The following RNF39 variants were observed in gnomAD, a reference collection of about 807,000 sequenced individuals.
RNF39 encodes the protein ring finger protein 39.
A neutral mutation model predicts 29.2 loss-of-function variants in RNF39; 25 were observed. The ratio of observed to expected loss-of-function variants is 0.86; its 90% CI spans 0.62 to 1.20. RNF39 has a LOEUF of 1.20. Ranked by LOEUF, RNF39 falls within the 50% of genes most tolerant of loss-of-function variation. The pLI, the probability that RNF39 is intolerant of heterozygous loss-of-function variation, is 0.00. For synonymous variants in RNF39, 219 were observed against 229.0 expected, an observed-to-expected ratio of 0.96 and a Z score of 0.40; for missense variants, 519 against 515.0, an observed-to-expected ratio of 1.01 and a Z score of -0.08.
rs1397716133 is a variant in RNF39 at position 30,075,482 on chromosome 6, C to T, written c.104G>A (p.Cys35Tyr). The change falls in exon 1 of 4, where the codon TGC (cysteine) becomes TAC (tyrosine). Residue 35 changes from cysteine (C) to tyrosine (Y), a missense_variant. By Grantham distance (194) the Cys-to-Tyr change is radical (BLOSUM62 -2). Transcript: ENST00000244360. ...GSFEDPVLLA[C>Y]EHSFCRACLA... ...ACACGCGCGGCAGAAGCTGTGCTCG[C>T]ACGCCAGAAGCACCGGGTCCTCGAA... The T allele has an allele frequency of 6.4e-7, 1 of 1,554,250 alleles. No individual in the cohort carries two copies. The highest frequency in any genetic ancestry group is 8.7e-7 in the Non-Finnish European group (1 of 1,151,642).
rs981234297 is a variant in RNF39 at position 30,075,267 on chromosome 6, C to T, written c.319G>A (p.Gly107Arg). The T allele has an allele frequency of 3.1e-6, 5 of 1,599,452 alleles. No individual in the cohort carries two copies. The highest frequency in any genetic ancestry group is 2.7e-5 in the African/African-American group (2 of 74,706). Reference protein sequence around the residue: ...EPGARAGRRRGGRIPTMGCLD... With the variant: ...EPGARAGRRRRGRIPTMGCLD... ...CAGCCCATGGTGGGGATGCGCCCCC[C>T]TCGGCGTCTCCCCGCACGGGCCCCA... The change falls in exon 1 of 4, where the codon GGG (glycine) becomes AGG (arginine). Residue 107 changes from glycine to arginine, a missense_variant. Gly to Arg is a moderately radical substitution (Grantham distance 125). Coordinates refer to ENST00000244360, the MANE Select transcript of RNF39 (RefSeq NM_025236.4).
Position 30,071,810 on chromosome 6 carries a change from A to G in RNF39, c.479-119T>C. On this transcript the variant is annotated intron_variant, in intron 3 of 3. Transcript: ENST00000244360. This position sits in a 1 kb window ranked among gnomAD's most constrained non-coding sequence, Gnocchi z 5.0. ...AAGACTGAGAGCTAGTGACCACACA[A>G]CAGCTCAAAAGGCGACTGCAGGACC... 1 of 888,356 alleles carries G rather than the reference A, an allele frequency of 1.1e-6. No individual in the cohort carries two copies. The highest frequency in any genetic ancestry group is 1.6e-6 in the Non-Finnish European group (1 of 630,522). 55.0% of individuals were successfully genotyped at this position (888,356 alleles called of 1,614,324 possible).
In RNF39 at chr6:30,074,119, T is replaced by C. The variant is rs1766212590; in HGVS notation, c.364-641A>G. On this transcript the variant is annotated intron_variant, in intron 1 of 3. Transcript: ENST00000244360. The surrounding 1 kb of genome is among the most constrained non-coding windows in gnomAD (Gnocchi z 4.1). ...GGCCCAGCAGATCCACAGAGTACTA[T>C]GGGAGCCAGGAGAGGGCACTGGATG... 6.6e-6 allele frequency among the ~76,000 whole-genome samples: 1 copy of C among 152,146 alleles called. No homozygotes were observed. The highest frequency in any genetic ancestry group is 2.4e-5 in the African/African-American group (1 of 41,432).
In RNF39 at chr6:30,074,862, C is replaced by T. The variant is rs1766283262; in HGVS notation, c.363+361G>A. Among the ~76,000 whole-genome samples the T allele has an allele frequency of 1.3e-5, 2 of 152,104 alleles. No individual in the cohort carries two copies. Among genetic ancestry groups the T allele is most frequent in the African/African-American group, 4.8e-5 (2 of 41,426 alleles). On this transcript the variant is annotated intron_variant, in intron 1 of 3. Transcript: ENST00000244360. This position sits in a 1 kb window ranked among gnomAD's most constrained non-coding sequence, Gnocchi z 4.1. ...CTCTCCTCCTCCCGGGCGCCTGCGGCTGCCCTGCCAAAACTTCTGCAGTTC... is the reference window on the plus strand; with the variant it reads ...CTCTCCTCCTCCCGGGCGCCTGCGGTTGCCCTGCCAAAACTTCTGCAGTTC...
In RNF39 at chr6:30,071,216, C is replaced by A; in HGVS notation, c.954G>T (p.Leu318=). ...GGCCAGGCGCCTGGAAGGCGTAAAG[C>A]AGGTCGAGTGAGCGGCCGTCGTAGA... ...VAFYDGRSLD[L]LYAFQAPGPL... is the part of the protein sequence containing the mutation. The change falls in exon 4 of 4, where the codon CTG becomes CTT. Residue 318 remains leucine, a synonymous_variant. Coordinates refer to ENST00000244360, the MANE Select transcript of RNF39 (RefSeq NM_025236.4). The surrounding 1 kb of genome is among the most constrained non-coding windows in gnomAD (Gnocchi z 5.0). The A allele has an allele frequency of 6.6e-7, 1 of 1,515,442 alleles. No individual in the cohort carries two copies. The highest frequency in any genetic ancestry group is 8.8e-7 in the Non-Finnish European group (1 of 1,135,434). 93.9% of individuals were successfully genotyped at this position (1,515,442 alleles called of 1,614,324 possible). A position where few individuals can be genotyped will look rare whatever the true frequency, so the allele number is the denominator to read the frequency against.
In RNF39 at chr6:30,073,458, T is replaced by A; in HGVS notation, c.384A>T (p.Arg128Ser). ...GGGAACAGAAAAGTGGAACTCACCGTCTCCATGTCTTCCTCATATCCTAGG... is the reference window on the plus strand; with the variant it reads ...GGGAACAGAAAAGTGGAACTCACCGACTCCATGTCTTCCTCATATCCTAGG... ...LPGEDMRKTW[R>S]RFEVPTSKSS... The change falls in exon 2 of 4, where the codon AGA (arginine) becomes AGT (serine). Residue 128 changes from arginine to serine, a missense_variant and splice_region_variant. Coordinates refer to ENST00000244360, the MANE Select transcript of RNF39 (RefSeq NM_025236.4). 1 of 1,614,068 alleles carries A rather than the reference T, an allele frequency of 6.2e-7. No individual in the cohort carries two copies. The highest frequency in any genetic ancestry group is 8.5e-7 in the Non-Finnish European group (1 of 1,179,980).
Position 30,075,616 on chromosome 6 carries a change from C to T in RNF39, c.-31G>A. On this transcript the variant is annotated 5_prime_UTR_variant, in exon 1 of 4. Coordinates refer to ENST00000244360, the MANE Select transcript of RNF39 (RefSeq NM_025236.4). ...GCCAGGATCTGGACGCCGCCCCTTCCGCGACCACCGTGACCGCCTTCGAGC... is the reference window on the plus strand; with the variant it reads ...GCCAGGATCTGGACGCCGCCCCTTCTGCGACCACCGTGACCGCCTTCGAGC... 1 of 1,583,590 alleles carries T rather than the reference C, an allele frequency of 6.3e-7. No individual in the cohort carries two copies.
At position 30,075,573 on chromosome 6, in the gene RNF39, C is replaced by T. The variant is rs1047338734; in HGVS notation, c.13G>A (p.Glu5Lys). 6.2e-7 allele frequency: 1 copy of T among 1,606,988 alleles called. No homozygotes were observed. The highest frequency in any genetic ancestry group is 8.5e-7 in the Non-Finnish European group (1 of 1,179,132). The change falls in exon 1 of 4, where the codon GAG (glutamate) becomes AAG (lysine). Residue 5 changes from glutamate to lysine, a missense_variant. Glu to Lys is a moderately conservative substitution (Grantham distance 56). Transcript: ENST00000244360. MDAP[E>K]LGPGLVERLE... ...CGCTCCACCAGCCCCGGGCCCAGCT[C>T]GGGCGCATCCATGGAAAGCCAGGAT...
In RNF39 at chr6:30,071,263, A is replaced by T. The variant is rs1191830405; in HGVS notation, c.907T>A (p.Trp303Arg). 1 of 1,508,738 alleles carries T rather than the reference A, an allele frequency of 6.6e-7. No individual in the cohort carries two copies. The highest frequency in any genetic ancestry group is 8.8e-7 in the Non-Finnish European group (1 of 1,131,238). The allele number at this position is 1,508,738 out of a possible 1,614,324, so 93.5% of individuals were successfully genotyped here. ...TAGAAGGCCACGCGGCCCCGCTCCC[A>T]GTCCAGGTCCACGCGAATGCGCCGC... ...PPRRIRVDLDWERGRVAFYDG... is the reference protein window; with the variant it reads ...PPRRIRVDLDRERGRVAFYDG... Residue 303 changes from tryptophan to arginine, a missense_variant, in exon 4 of 4, where the codon TGG becomes AGG. Physicochemically the swap from Trp to Arg is moderately radical, Grantham distance 101. Transcript: ENST00000244360. This position sits in a 1 kb window ranked among gnomAD's most constrained non-coding sequence, Gnocchi z 5.0.
chr6:30,075,481 G>A lies in RNF39; in HGVS notation c.105C>T (p.Cys35=). The change falls in exon 1 of 4, where the codon TGC becomes TGT. Residue 35 remains cysteine (C), a synonymous_variant. Coordinates refer to ENST00000244360, the MANE Select transcript of RNF39 (RefSeq NM_025236.4). ...GSFEDPVLLA[C]EHSFCRACLA... is the part of the protein sequence containing the mutation. Reference sequence around the variant, plus strand: ...GACACGCGCGGCAGAAGCTGTGCTCGCACGCCAGAAGCACCGGGTCCTCGA... The same window carrying A: ...GACACGCGCGGCAGAAGCTGTGCTCACACGCCAGAAGCACCGGGTCCTCGA... 2 of 1,553,668 alleles carry A rather than the reference G, an allele frequency of 1.3e-6. No individual in the cohort carries two copies. The highest frequency in any genetic ancestry group is 1.2e-5 in the South Asian group (1 of 85,288).
At position 30,071,125 on chromosome 6, in the gene RNF39, G is replaced by T; in HGVS notation, c.1045C>A (p.Pro349Thr). The T allele has an allele frequency of 6.4e-7, 1 of 1,559,452 alleles. No individual in the cohort carries two copies. Among genetic ancestry groups the T allele is most frequent in the Non-Finnish European group, 8.7e-7 (1 of 1,152,782 alleles). Residue 349 changes from proline to threonine, a missense_variant, in exon 4 of 4, where the codon CCA (proline) becomes ACA (threonine). Physicochemically the swap from Pro to Thr is conservative, Grantham distance 38 (BLOSUM62 -1). Coordinates refer to ENST00000244360, the MANE Select transcript of RNF39 (RefSeq NM_025236.4). This position sits in a 1 kb window ranked among gnomAD's most constrained non-coding sequence, Gnocchi z 5.0. Reference sequence around the variant, plus strand: ...GGAGACGAGACTCAGCTTTCCGCTGGTACAATGCGGAGCGGAGCACGAGGG... The same window carrying T: ...GGAGACGAGACTCAGCTTTCCGCTGTTACAATGCGGAGCGGAGCACGAGGG... ...CDPRAPLRIVPAES is the reference protein window; with the variant it reads ...CDPRAPLRIVTAES
Position 30,074,064 on chromosome 6 carries a change from G to A in RNF39, c.364-586C>T, listed in dbSNP as rs1481466803. Reference sequence around the variant, plus strand: ...TTTGTGTCTCTGGACCCTGGCCAGGGAGGCAGCTAGACTTGAATGTGTCCC... The same window carrying A: ...TTTGTGTCTCTGGACCCTGGCCAGGAAGGCAGCTAGACTTGAATGTGTCCC... On this transcript the variant is annotated intron_variant, in intron 1 of 3. Coordinates refer to ENST00000244360, the MANE Select transcript of RNF39 (RefSeq NM_025236.4). This position sits in a 1 kb window ranked among gnomAD's most constrained non-coding sequence, Gnocchi z 4.1. 6.6e-6 allele frequency among the ~76,000 whole-genome samples: 1 copy of A among 152,164 alleles called. No individual in the cohort carries two copies. Among genetic ancestry groups the A allele is most frequent in the Non-Finnish European group, 1.5e-5 (1 of 68,040 alleles).
rs769025458 is a variant in RNF39 at position 30,071,145 on chromosome 6, C to T, written c.1025G>A (p.Arg342His). 6.5e-6 allele frequency: 10 copies of T among 1,546,456 alleles called. 1 individual carries two copies. The highest frequency in any genetic ancestry group is 2.3e-5 in the East Asian group (1 of 43,448). The change falls in exon 4 of 4, where the codon CGT (arginine) becomes CAT (histidine). Residue 342 changes from arginine to histidine, a missense_variant. Physicochemically the swap from Arg to His is conservative, Grantham distance 29 (BLOSUM62 0). Coordinates refer to ENST00000244360, the MANE Select transcript of RNF39 (RefSeq NM_025236.4). This position sits in a 1 kb window ranked among gnomAD's most constrained non-coding sequence, Gnocchi z 5.0. ...CGCTGGTACAATGCGGAGCGGAGCA[C>T]GAGGGTCGCAGGTGCAGAACAGCGG... The part of the protein sequence containing the change: ...IFPLFCTCDP[R>H]APLRIVPAES
rs1409582667 is a variant in RNF39 at position 30,071,535 on chromosome 6, C to T, written c.635G>A (p.Gly212Glu). The change falls in exon 4 of 4, where the codon GGG becomes GAG. Residue 212 changes from glycine to glutamate, a missense_variant. Coordinates refer to ENST00000244360, the MANE Select transcript of RNF39 (RefSeq NM_025236.4). The surrounding 1 kb of genome is among the most constrained non-coding windows in gnomAD (Gnocchi z 5.0). Reference protein sequence around the residue: ...LPAVLGAQGFGAGRHCWEVET... With the variant: ...LPAVLGAQGFEAGRHCWEVET... Reference sequence around the variant, plus strand: ...CACCTCCCAGCAGTGGCGGCCGGCCCCGAAGCCCTGCGCACCCAGCACAGC... The same window carrying T: ...CACCTCCCAGCAGTGGCGGCCGGCCTCGAAGCCCTGCGCACCCAGCACAGC... 1.3e-6 allele frequency: 2 copies of T among 1,526,750 alleles called. No homozygotes were observed. Among genetic ancestry groups the T allele is most frequent in the Non-Finnish European group, 1.8e-6 (2 of 1,141,064 alleles). 94.6% of individuals were successfully genotyped at this position (1,526,750 alleles called of 1,614,324 possible).
intron 1 of RNF39, 116 bp downstream of exon 1, chr6:30,075,107 C>A: frequency 8.9e-7 from 1 of 1,117,686 alleles, no homozygotes; most frequent in Non-Finnish European, 1.2e-6. Flanking sequence ...TTTCTCTCCC[C>A]ACCCCATCCT....
At position 30,070,636 on chromosome 6, in the gene RNF39, C is replaced by T; in HGVS notation, c.*475G>A. The T allele has an allele frequency of 2.8e-6, 1 of 359,078 alleles. No homozygotes were observed. The highest frequency in any genetic ancestry group is 2.1e-5 in the South Asian group (1 of 46,860). 22.2% of individuals were successfully genotyped at this position (359,078 alleles called of 1,614,324 possible). The stretch of plus-strand genomic sequence containing the variant: ...CCACAGGGCCCAGACCAGAGTCAAG[C>T]CTCTTGTTTTAGGAGAAACCTCAGT... On this transcript the variant is annotated 3_prime_UTR_variant, in exon 4 of 4. Coordinates refer to ENST00000244360, the MANE Select transcript of RNF39 (RefSeq NM_025236.4).
rs1284353456 is a variant in RNF39, at chr6:30,075,286, G to A, written c.300C>T (p.Ala100=). 2 of 1,599,184 alleles carry A rather than the reference G, an allele frequency of 1.3e-6. No individual in the cohort carries two copies. The highest frequency in any genetic ancestry group is 4.5e-5 in the East Asian group (2 of 44,484). Reference sequence around the variant, plus strand: ...GCCCCCCTCGGCGTCTCCCCGCACGGGCCCCAGGCTCAGCCAGCTTCTCTC... The same window carrying A: ...GCCCCCCTCGGCGTCTCCCCGCACGAGCCCCAGGCTCAGCCAGCTTCTCTC... ...ELREKLAEPG[A]RAGRRRGGRI... The change falls in exon 1 of 4, where the codon GCC becomes GCT. Residue 100 remains alanine, a synonymous_variant. Coordinates refer to ENST00000244360, the MANE Select transcript of RNF39 (RefSeq NM_025236.4).
chr6:30,075,762 T>C lies in RNF39; in HGVS notation c.-177A>G. 1 of 1,614,228 alleles carries C rather than the reference T, an allele frequency of 6.2e-7. No individual in the cohort carries two copies. Among genetic ancestry groups the C allele is most frequent in the Non-Finnish European group, 8.5e-7 (1 of 1,180,032 alleles). On this transcript the variant is annotated 5_prime_UTR_variant, in exon 1 of 4. Coordinates refer to ENST00000244360, the MANE Select transcript of RNF39 (RefSeq NM_025236.4). ...ATTGCCTCTCTCTTCAACCAGAGTC[T>C]CAGTCTCGTCAAATCTCTCCACCAC... is the stretch of plus-strand genomic sequence containing the variant.
rs1023794778 is a variant in RNF39 at position 30,072,013 on chromosome 6, T to C, written c.479-322A>G. ...GGGGTTGGGGGAGGAAGAGTGAGGC[T>C]GATCTGACTTCGAGGGAGGAGTAAG... On this transcript the variant is annotated intron_variant, in intron 3 of 3. Coordinates refer to ENST00000244360, the MANE Select transcript of RNF39 (RefSeq NM_025236.4). The surrounding 1 kb of genome is among the most constrained non-coding windows in gnomAD (Gnocchi z 4.5). Among the ~76,000 whole-genome samples, 7 of 151,974 alleles carry C rather than the reference T, an allele frequency of 4.6e-5. No individual in the cohort carries two copies. The highest frequency in any genetic ancestry group is 3.3e-4 in the Admixed American group (5 of 15,272).
Sources: allele counts gnomAD v4.1 joint callset (sites outside exome capture counted in the v4.1 genomes callset), GRCh38; gene constraint gnomAD v4.1.1; non-coding constraint Gnocchi (gnomAD v3.1); transcripts MANE v1.5; gene names NCBI Gene and HGNC (gene_info 2026-07-23, HGNC 2026-07-21).